The following KIF24 variants were observed in gnomAD, a reference collection of about 807,000 sequenced individuals.
KIF24 encodes kinesin family member 24, also known as kinesin-like protein KIF24.
A neutral mutation model predicts 118.9 loss-of-function variants in KIF24; 81 were observed. That is an observed-to-expected ratio of 0.68 (90% confidence interval 0.57 to 0.82). The LOEUF (loss-of-function observed/expected upper bound fraction) is 0.82. KIF24 is among the 40% of genes least tolerant of loss of function. The pLI is 0.00. For missense variants in KIF24, 1,560 were observed against 1,661.6 expected (o/e 0.94, Z 1.06); for synonymous variants, 599 against 610.0 (o/e 0.98, Z 0.27).
intron 6 of KIF24, among the ~76,000 whole-genome samples, chr9:34,278,803 G>A (rs908537297): frequency 6.6e-6 from 1 of 152,102 alleles, no homozygotes; most frequent in Non-Finnish European, 1.5e-5. Flanking sequence ...AGTAAAATGG[G>A]AATCTGCTAC....
chr9:34,268,289 G>A (rs1014354141), intron 8 of KIF24, among the ~76,000 whole-genome samples: 3 of 151,794 alleles, frequency 2.0e-5, no homozygotes, highest in South Asian at 4.2e-4. Flanking sequence ...ACAGCCTCCC[G>A]AGTAGCTGGG....
chr9:34,300,360 A>T (rs948223114), intron 3 of KIF24, among the ~76,000 whole-genome samples: 2 of 151,992 alleles, frequency 1.3e-5, no homozygotes, highest in African/African-American at 2.4e-5. Flanking sequence ...ACATATTTTT[A>T]AAATCTGGTG....
rs763822584 is a variant in KIF24 at position 34,259,609 on chromosome 9, G to T, written c.1612C>A (p.Arg538Ser). 1.9e-6 allele frequency: 3 copies of T among 1,613,546 alleles called. No homozygotes were observed. The Admixed American group carries it at 5.0e-5, about 27-fold the overall frequency. Residue 538 changes from arginine (R) to serine (S), a missense_variant, in exon 10 of 13, where the codon CGC (arginine) becomes AGC (serine). Physicochemically the swap from Arg to Ser is moderately radical, Grantham distance 110. Around this residue, in one of 3 missense-constraint regions of KIF24, gnomAD observed 964 missense variants for 988.0 expected, o/e 0.98. Transcript: ENST00000402558. ...GAGCTGACTTACCGGTCAGCATAGC[G>T]CAAGGTGTTGAGAGTGTGTTCAGTG... is the stretch of plus-strand genomic sequence containing the variant. ...VATEHTLNTL[R>S]YADRVKELKK... is the part of the protein sequence containing the mutation.
intron 5 of KIF24, among the ~76,000 whole-genome samples, chr9:34,289,426 C>G (rs539380523): frequency 6.6e-6 from 1 of 152,140 alleles, no homozygotes; most frequent in Non-Finnish European, 1.5e-5. Flanking sequence ...CCCTAGTCTT[C>G]CAGGAGGCTC....
intron 12 of KIF24, 32 bp from the exon 13 acceptor site, chr9:34,254,552 T>C (rs756118440): frequency 1.2e-6 from 2 of 1,604,438 alleles, no homozygotes; most frequent in Admixed American, 3.4e-5. Context: ...AATACAGCTT[T>C]TGCTCTTGCT....
At chr9:34,306,945 A>G (rs1836947836) in intron 2 of KIF24, among the ~76,000 whole-genome samples, 1 of 152,318 alleles carries the variant, frequency 6.6e-6, no homozygotes, top group African/African-American at 2.4e-5. Context: ...AAAAACACAA[A>G]TAACAGAACA....
At chr9:34,266,099 C>T (rs1054872320) in intron 8 of KIF24, among the ~76,000 whole-genome samples, 1 of 152,086 alleles carries the variant, frequency 6.6e-6, no homozygotes, top group African/African-American at 2.4e-5. Context: ...CATTATGTTG[C>T]TCAAGCTGGT....
At chr9:34,323,468 A>G (rs1040570017) in intron 1 of KIF24, among the ~76,000 whole-genome samples, 1 of 152,240 alleles carries the variant, frequency 6.6e-6, no homozygotes, top group African/African-American at 2.4e-5. Context: ...ATAGACATTT[A>G]ATTCTGAAAG....
At chr9:34,331,827 C>G, upstream of KIF24, among the ~76,000 whole-genome samples, 1 of 152,164 alleles carries the variant, frequency 6.6e-6, no homozygotes, top group East Asian at 1.9e-4. Context: ...CAAACAAATG[C>G]TTCACTTGCA....
rs1554658981 is a variant in KIF24 at position 34,257,155 on chromosome 9, C to T, written c.2452G>A (p.Ala818Thr). 2.5e-6 allele frequency: 4 copies of T among 1,614,016 alleles called. No homozygotes were observed. Among genetic ancestry groups the T allele is most frequent in the Non-Finnish European group, 3.4e-6 (4 of 1,179,894 alleles). The change falls in exon 11 of 13, where the codon GCC (alanine) becomes ACC (threonine). Residue 818 changes from alanine (A) to threonine (T), a missense_variant. This residue lies in a region of KIF24 where 964 missense variants were observed against 988.0 expected (regional missense o/e 0.98). Coordinates refer to ENST00000402558, the MANE Select transcript of KIF24 (RefSeq NM_194313.4). The stretch of plus-strand genomic sequence containing the variant: ...CTGTCATCAAGTTCCTCTACTTGGG[C>T]TCCATCATGGTTTTCAGAGTAAGAG... ...FHSYSENHDGAQVEELDDSDF... is the reference protein window; with the variant it reads ...FHSYSENHDGTQVEELDDSDF...
chr9:34,319,086 G>C, intron 1 of KIF24: 1 of 1,335,640 alleles, frequency 7.5e-7, no homozygotes. Flanking sequence ...ATGGTGACTC[G>C]GTTCTATACC....
Position 34,265,896 on chromosome 9 carries a change from GAC to G in KIF24, c.1444-2726_1444-2725del, listed in dbSNP as rs1318287495. On this transcript the variant is annotated intron_variant, in intron 8 of 12. Coordinates refer to ENST00000402558, the MANE Select transcript of KIF24 (RefSeq NM_194313.4). ...TTATTCATTGGCTTTCTTCAGACGA[GAC>G]AGTTTATTTTTTGAGACAGGGTCTT... Among the ~76,000 whole-genome samples the G allele has an allele frequency of 3.3e-5, 5 of 151,894 alleles. No individual in the cohort carries two copies. In the South Asian group the frequency reaches 1.0e-3, roughly 32 times the overall value.
In KIF24 at chr9:34,271,860, T is replaced by C. The variant is rs772289885; in HGVS notation, c.1286A>G (p.His429Arg). The change falls in exon 7 of 13, where the codon CAT becomes CGT. Residue 429 changes from histidine to arginine, a missense_variant. Coordinates refer to ENST00000402558, the MANE Select transcript of KIF24 (RefSeq NM_194313.4). ...TGVNADSSRSHAVIQIQIKDS... is the reference protein window; with the variant it reads ...TGVNADSSRSRAVIQIQIKDS... ...TTTGATCTGAATTTGGATGACGGCATGGGAGCGGGAGGAGTCTGCATTAAC... is the reference window on the plus strand; with the variant it reads ...TTTGATCTGAATTTGGATGACGGCACGGGAGCGGGAGGAGTCTGCATTAAC... 83 of 1,611,996 alleles carry C rather than the reference T, an allele frequency of 5.1e-5. No homozygotes were observed. Among genetic ancestry groups the C allele is most frequent in the East Asian group, 8.9e-5 (4 of 44,860 alleles).
chr9:34,278,013 G>A (rs978581772), intron 6 of KIF24, among the ~76,000 whole-genome samples: 3 of 152,128 alleles, frequency 2.0e-5, no homozygotes, highest in Non-Finnish European at 4.4e-5. Context: ...AGAGGCTCAC[G>A]CCTGTACTCC....
At position 34,318,488 on chromosome 9, in the gene KIF24, G is replaced by A; in HGVS notation, c.-25-7117C>T. 2.4e-6 allele frequency: 2 copies of A among 827,014 alleles called. No individual in the cohort carries two copies. The highest frequency in any genetic ancestry group is 1.4e-5 in the South Asian group (1 of 70,434). The allele number at this position is 827,014 out of a possible 1,614,324, so 51.2% of individuals were successfully genotyped here. ...GGTGAAGAAACCTGCAGCCACAGCA[G>A]CTCCTGGCACCGCAGAGAAGCTGAG... On this transcript the variant is annotated intron_variant, in intron 1 of 12. Coordinates refer to ENST00000402558, the MANE Select transcript of KIF24 (RefSeq NM_194313.4). The surrounding 1 kb of genome is among the most constrained non-coding windows in gnomAD (Gnocchi z 4.9).
At chr9:34,296,551 T>C (rs895088282) in intron 4 of KIF24, among the ~76,000 whole-genome samples, 1 of 149,808 alleles carries the variant, frequency 6.7e-6, no homozygotes, top group Non-Finnish European at 1.5e-5. Flanking sequence ...AAAAAAAAAA[T>C]ACATCTATGA....
intron 1 of KIF24, among the ~76,000 whole-genome samples, chr9:34,327,575 C>T (rs1837708533): frequency 6.6e-6 from 1 of 151,904 alleles, no homozygotes; most frequent in African/African-American, 2.4e-5. Context: ...GGTGAACACT[C>T]AATAAATGGT....
chr9:34,282,420 A>C (rs1050478908), intron 6 of KIF24: 4 of 152,148 alleles, frequency 2.6e-5, no homozygotes, highest in Admixed American at 1.3e-4. Context: ...TGGGGTGATG[A>C]AAGTTTTCTG....
Position 34,286,616 on chromosome 9 carries a change from C to T in KIF24, c.1215+1G>A. 1 of 1,601,394 alleles carries T rather than the reference C, an allele frequency of 6.2e-7. No individual in the cohort carries two copies. Among genetic ancestry groups the T allele is most frequent in the Non-Finnish European group, 8.6e-7 (1 of 1,168,456 alleles). ...GTAATAAAGAAGGAAGAATTAATTA[C>T]CTCTAAGAGGAGCTCCACACTGTCC... On this transcript the variant is annotated splice_donor_variant, in intron 6 of 12. Coordinates refer to ENST00000402558, the MANE Select transcript of KIF24 (RefSeq NM_194313.4). LOFTEE classifies it high-confidence loss of function.
Sources: gnomAD v4.1 joint callset for allele counts (sites outside exome capture counted in the v4.1 genomes callset) on GRCh38, gnomAD v4.1.1 for gene constraint, gnomAD v4.1.1 regional missense constraint, Gnocchi (gnomAD v3.1) non-coding constraint, MANE v1.5 for transcripts, NCBI Gene and HGNC (gene_info 2026-07-23, HGNC 2026-07-21) for gene names.